Variants in CMYA5 observed in about 807,000 individuals in gnomAD.
CMYA5 encodes the protein cardiomyopathy associated 5, also known as cardiomyopathy-associated protein 5.
In CMYA5, 246 loss-of-function variants were observed where a neutral mutation model predicts 318.9. That is an observed-to-expected ratio of 0.77 (90% confidence interval 0.70 to 0.86). The LOEUF (loss-of-function observed/expected upper bound fraction) is 0.86. Ranked by LOEUF, CMYA5 falls within the 40% of genes least tolerant of loss-of-function variation. The probability of loss-of-function intolerance (pLI) is 0.00; values close to 1 mark genes in which losing one functional copy is unlikely to be tolerated. For synonymous variants in CMYA5, 1,641 were observed against 1,729.5 expected (o/e 0.95, Z 1.27); for missense variants, 4,589 against 4,678.2 (o/e 0.98, Z 0.56).
intron 9 of CMYA5, among the ~76,000 whole-genome samples, chr5:79,765,688 T>C (rs1009692436): frequency 2.6e-5 from 4 of 152,230 alleles, no homozygotes; most frequent in Admixed American, 1.3e-4. Context: ...GTAGTTCTCC[T>C]TGAAGAGGTC....
At chr5:79,776,966 C>T (rs1274717514) in intron 9 of CMYA5, among the ~76,000 whole-genome samples, 2 of 152,150 alleles carry the variant, frequency 1.3e-5, no homozygotes, top group Non-Finnish European at 1.5e-5. Flanking sequence ...AGAACAACCA[C>T]ACCCTGTAAT....
At position 79,737,873 on chromosome 5, in the gene CMYA5, A is replaced by G. The variant is rs1300998052; in HGVS notation, c.9108A>G (p.Glu3036=). Residue 3036 remains glutamate, a synonymous_variant, in exon 2 of 13, where the codon GAA becomes GAG. Transcript: ENST00000446378. ...AAGAAGAGATATCCACAGATTCAGA[A>G]ACTGATTTATCATTTATTCAGCCCA... ...KTKEEISTDS[E]TDLSFIQPTI... is the part of the protein sequence containing the mutation. The G allele has an allele frequency of 6.3e-7, 1 of 1,598,726 alleles. No homozygotes were observed. Among genetic ancestry groups the G allele is most frequent in the South Asian group, 1.2e-5 (1 of 86,612 alleles).
rs1458987964 is a variant in CMYA5 at position 79,732,417 on chromosome 5, G to A, written c.3652G>A (p.Ala1218Thr). The A allele has an allele frequency of 6.2e-7, 1 of 1,613,654 alleles. No homozygotes were observed. Among genetic ancestry groups the A allele is most frequent in the Admixed American group, 1.7e-5 (1 of 59,940 alleles). ...TGTGCCTGATTCTCAAGAAGCTACA[G>A]CACATGTATCACAGGATCAAAAAAT... ...EIVPDSQEAT[A>T]HVSQDQKMEP... Residue 1218 changes from alanine (A) to threonine (T), a missense_variant, in exon 2 of 13, where the codon GCA becomes ACA. Coordinates refer to ENST00000446378, the MANE Select transcript of CMYA5 (RefSeq NM_153610.5).
At position 79,737,436 on chromosome 5, in the gene CMYA5, A is replaced by G. The variant is rs1326223561; in HGVS notation, c.8671A>G (p.Asn2891Asp). The G allele has an allele frequency of 6.2e-7, 1 of 1,613,880 alleles. No homozygotes were observed. The highest frequency in any genetic ancestry group is 8.5e-7 in the Non-Finnish European group (1 of 1,179,822). The change falls in exon 2 of 13, where the codon AAC becomes GAC. Residue 2891 changes from asparagine (N) to aspartate (D), a missense_variant. Coordinates refer to ENST00000446378, the MANE Select transcript of CMYA5 (RefSeq NM_153610.5). ...GGAACCACTGTCTTCAGCAAAAAGC[A>G]ACTATGCTCAATTTATATCTAATAC... ...VKEPLSSAKS[N>D]YAQFISNTSA...
chr5:79,766,182 T>A (rs1337019160), intron 9 of CMYA5, among the ~76,000 whole-genome samples: 1 of 151,850 alleles, frequency 6.6e-6, no homozygotes, highest in Admixed American at 6.6e-5. Flanking sequence ...CTCTGCAACC[T>A]CTGCCTCCCA....
intron 10 of CMYA5, among the ~76,000 whole-genome samples, chr5:79,789,633 C>T (rs1244176702): frequency 6.6e-6 from 1 of 152,000 alleles, no homozygotes; most frequent in Non-Finnish European, 1.5e-5. Context: ...CCATGTTGGC[C>T]AGGCTGGTCT....
chr5:79,712,273 G>A (rs1827408947), intron 1 of CMYA5, among the ~76,000 whole-genome samples: 1 of 152,176 alleles, frequency 6.6e-6, no homozygotes, highest in African/African-American at 2.4e-5. Context: ...AGAGTGTGGT[G>A]CGTGATCTCG....
chr5:79,701,091 A>C lies in CMYA5; in HGVS notation c.149+11035A>C, dbSNP rs78482512. ...GAAACCCCATCTCTACTAAAAATACAAAAAAAAAAAAAAAAAATTAGCCGA... is the reference window on the plus strand; with the variant it reads ...GAAACCCCATCTCTACTAAAAATACCAAAAAAAAAAAAAAAAATTAGCCGA... On this transcript the variant is annotated intron_variant, in intron 1 of 12. Coordinates refer to ENST00000446378, the MANE Select transcript of CMYA5 (RefSeq NM_153610.5). 4.5e-3 allele frequency among the ~76,000 whole-genome samples: 151 copies of C among 33,438 alleles called. 1 individual carries two copies. The highest frequency in any genetic ancestry group is 0.011 in the Middle Eastern group (1 of 92). The allele number at this position is 33,438 out of a possible 152,430, so 21.9% of individuals were successfully genotyped here.
chr5:79,777,795 A>AT (rs1268242205), intron 9 of CMYA5, among the ~76,000 whole-genome samples: 15 of 131,024 alleles, frequency 1.1e-4, no homozygotes, highest in Admixed American at 8.0e-4. Context: ...AATAAAAATA[A>AT]ATTTTTTTTT....
At position 79,731,554 on chromosome 5, in the gene CMYA5, C is replaced by CGG; in HGVS notation, c.2789_2790insGG (p.Pro931AspfsTer3). The stretch of plus-strand genomic sequence containing the variant: ...TCTCTAAATCTAAAAGGTGCATCCT[C>CGG]ACCCATGAATTTATCAGAAGAAGAT... On this transcript the variant is annotated frameshift_variant, in exon 2 of 13. Transcript: ENST00000446378. LOFTEE classifies it high-confidence loss of function. The CGG allele has an allele frequency of 6.2e-7, 1 of 1,608,482 alleles. No homozygotes were observed. Among genetic ancestry groups the CGG allele is most frequent in the Non-Finnish European group, 8.5e-7 (1 of 1,177,394 alleles).
At chr5:79,786,830 T>A (rs1829090855) in intron 9 of CMYA5, among the ~76,000 whole-genome samples, 1 of 152,216 alleles carries the variant, frequency 6.6e-6, no homozygotes, top group Admixed American at 6.5e-5. Context: ...AGGTGGCAAC[T>A]TGTATACAAT....
intron 11 of CMYA5, among the ~76,000 whole-genome samples, chr5:79,791,479 G>A (rs259097): frequency 0.41 from 61,972 of 151,852 alleles, 13,468 homozygotes; most frequent in East Asian, 0.76. Flanking sequence ...CCAGCACTTT[G>A]GGAGGCCAAG....
At chr5:79,764,139 T>C (rs1828706412) in intron 9 of CMYA5, among the ~76,000 whole-genome samples, 1 of 152,072 alleles carries the variant, frequency 6.6e-6, no homozygotes. Context: ...CTCCTAATTC[T>C]ATCCCTCCCC....
At chr5:79,758,668 A>G (rs1275698452) in intron 6 of CMYA5, 85 bp from the exon 7 acceptor site, 2 of 1,154,104 alleles carry the variant, frequency 1.7e-6, no homozygotes, top group South Asian at 4.2e-5. Context: ...TATTCTTTGA[A>G]TATTTTTCAA....
intron 1 of CMYA5, among the ~76,000 whole-genome samples, chr5:79,690,397 G>C (rs1580739572): frequency 6.6e-6 from 1 of 152,166 alleles, no homozygotes; most frequent in African/African-American, 2.4e-5. Context: ...GAAATCCTGC[G>C]CTAGAGGAGA....
rs1828051544 is a variant in CMYA5, at chr5:79,735,873, C to G, written c.7108C>G (p.Gln2370Glu). 6.3e-7 allele frequency: 1 copy of G among 1,576,000 alleles called. No individual in the cohort carries two copies. ...SIFKEEPRSD[Q>E]KQKSLLSFDV... The stretch of plus-strand genomic sequence containing the variant: ...TTTTAAGGAAGAGCCAAGAAGTGAT[C>G]AAAAACAAAAATCACTCCTTTCATT... Residue 2370 changes from glutamine (Q) to glutamate (E), a missense_variant, in exon 2 of 13, where the codon CAA becomes GAA. Gln to Glu is a conservative substitution (Grantham distance 29). Around this residue, in one of 3 missense-constraint regions of CMYA5, gnomAD observed 2,431 missense variants for 2,495.1 expected, o/e 0.97. Transcript: ENST00000446378.
At position 79,737,335 on chromosome 5, in the gene CMYA5, A is replaced by G. The variant is rs1828098691; in HGVS notation, c.8570A>G (p.Asp2857Gly). The G allele has an allele frequency of 6.2e-7, 1 of 1,613,708 alleles. No homozygotes were observed. Among genetic ancestry groups the G allele is most frequent in the Non-Finnish European group, 8.5e-7 (1 of 1,179,822 alleles). Residue 2857 changes from aspartate (D) to glycine (G), a missense_variant, in exon 2 of 13, where the codon GAC becomes GGC. By Grantham distance (94) the Asp-to-Gly change is moderately conservative. Transcript: ENST00000446378. ...TVHTIQTSKD[D>G]TSDVPKQSVL... ...CATACTATTCAGACATCTAAAGATG[A>G]CACATCCGATGTGCCTAAACAATCT...
In CMYA5 at chr5:79,730,674, G is replaced by T; in HGVS notation, c.1909G>T (p.Glu637Ter). The T allele has an allele frequency of 6.2e-7, 1 of 1,613,930 alleles. No homozygotes were observed. The highest frequency in any genetic ancestry group is 8.5e-7 in the Non-Finnish European group (1 of 1,179,874). The change falls in exon 2 of 13, where the codon GAA becomes TAA. Residue 637 changes from glutamate to a stop codon, truncating the protein, a stop_gained. Coordinates refer to ENST00000446378, the MANE Select transcript of CMYA5 (RefSeq NM_153610.5). LOFTEE classifies it high-confidence loss of function. The part of the protein sequence containing the change: ...HAVLSEEENE[E>*]FEAYSPAAAP... ...AGTTTTGTCAGAAGAAGAGAATGAG[G>T]AATTTGAGGCTTATTCCCCAGCTGC...
At chr5:79,791,209 C>T in intron 11 of CMYA5, 140 bp downstream of exon 11, 1 of 602,082 alleles carries the variant, frequency 1.7e-6, no homozygotes, top group Non-Finnish European at 3.0e-6. Context: ...TCAATGTGTG[C>T]ACATCCACAC....
Sources: gnomAD v4.1 joint callset for allele counts (sites outside exome capture counted in the v4.1 genomes callset) on GRCh38, gnomAD v4.1.1 for gene constraint, gnomAD v4.1.1 regional missense constraint, MANE v1.5 for transcripts, NCBI Gene and HGNC (gene_info 2026-07-23, HGNC 2026-07-21) for gene names.